The following RHBDL3 variants were observed in gnomAD, a reference collection of about 807,000 sequenced individuals.
RHBDL3 encodes rhomboid like 3.
In RHBDL3, 28 loss-of-function variants were observed where a neutral mutation model predicts 48.2. The ratio of observed to expected loss-of-function variants is 0.58; its 90% CI spans 0.43 to 0.80. RHBDL3 has a LOEUF of 0.80. RHBDL3 is among the 30% of genes least tolerant of loss of function. RHBDL3 has a pLI of 0.00. For synonymous variants in RHBDL3, 208 were observed against 232.3 expected (o/e 0.90, Z 0.95); for missense variants, 464 against 542.7 (o/e 0.85, Z 1.44).
At chr17:32,300,933 T>C (rs1248018317) in intron 6 of RHBDL3, among the ~76,000 whole-genome samples, 14 of 151,650 alleles carry the variant, frequency 9.2e-5, no homozygotes, top group Admixed American at 9.2e-4. Context: ...CAGGCTGGAG[T>C]GCAGTGGCAT....
At chr17:32,312,309 C>T (rs910075015) in intron 7 of RHBDL3, among the ~76,000 whole-genome samples, 1 of 152,038 alleles carries the variant, frequency 6.6e-6, no homozygotes, top group African/African-American at 2.4e-5. Flanking sequence ...GTACAGTGTG[C>T]CTACAGTCCC....
intron 8 of RHBDL3, among the ~76,000 whole-genome samples, chr17:32,319,888 C>T (rs1477245219): frequency 3.3e-5 from 5 of 152,122 alleles, no homozygotes; most frequent in Non-Finnish European, 7.4e-5. Context: ...AATGGGATGG[C>T]AGTTTCCTAG....
intron 8 of RHBDL3, among the ~76,000 whole-genome samples, chr17:32,316,504 A>T (rs567002489): frequency 3.3e-5 from 5 of 152,286 alleles, no homozygotes; most frequent in Admixed American, 6.5e-5. Flanking sequence ...ATCTATTTTT[A>T]AAAATTATAT....
intron 1 of RHBDL3, among the ~76,000 whole-genome samples, chr17:32,266,667 G>T (rs559296888): frequency 1.2e-4 from 18 of 152,330 alleles, no homozygotes; most frequent in African/African-American, 4.3e-4. Context: ...CGACCTGCGA[G>T]CTCCCGGAGC....
rs189048315 is a variant in RHBDL3, at chr17:32,311,372, G to A, written c.883-4860G>A. On this transcript the variant is annotated intron_variant, in intron 7 of 8. Coordinates refer to ENST00000269051, the MANE Select transcript of RHBDL3 (RefSeq NM_138328.3). The stretch of plus-strand genomic sequence containing the variant: ...GGAAGTAAGGCAGCTGGTTGGAAGC[G>A]GGGACTCTCTAGTTTAACCCCTCGG... 2.0e-4 allele frequency among the ~76,000 whole-genome samples: 31 copies of A among 152,238 alleles called. No homozygotes were observed. In the East Asian group the frequency reaches 5.4e-3, roughly 27 times the overall value.
chr17:32,308,966 T>C (rs1325293130), intron 7 of RHBDL3, among the ~76,000 whole-genome samples: 1 of 152,002 alleles, frequency 6.6e-6, no homozygotes, highest in East Asian at 1.9e-4. Flanking sequence ...CTCAGGAAGC[T>C]GAGGCAGTAG....
chr17:32,296,382 C>G (rs1458904238), intron 5 of RHBDL3, among the ~76,000 whole-genome samples: 3 of 119,892 alleles, frequency 2.5e-5, no homozygotes, highest in African/African-American at 9.5e-5. Flanking sequence ...GTCACCCAGG[C>G]TGGAGTGCAG....
intron 2 of RHBDL3, among the ~76,000 whole-genome samples, chr17:32,276,586 G>A (rs2039904191): frequency 6.6e-6 from 1 of 152,144 alleles, no homozygotes; most frequent in Non-Finnish European, 1.5e-5. Context: ...GGGGCCAGCA[G>A]TTGAGCCATG....
intron 2 of RHBDL3, among the ~76,000 whole-genome samples, chr17:32,271,002 C>T (rs983218383): frequency 2.6e-5 from 4 of 152,022 alleles, no homozygotes; most frequent in Non-Finnish European, 5.9e-5. Flanking sequence ...TAAAGACCAG[C>T]CTGGGCAACA....
chr17:32,312,482 G>A (rs73270688), intron 7 of RHBDL3, among the ~76,000 whole-genome samples: 2,632 of 152,092 alleles, frequency 0.017, 73 homozygotes, highest in African/African-American at 0.058. Flanking sequence ...AGAGGGGGCC[G>A]AGCACAAATG....
At chr17:32,297,699 T>C (rs2040486513) in intron 5 of RHBDL3, among the ~76,000 whole-genome samples, 1 of 138,354 alleles carries the variant, frequency 7.2e-6, no homozygotes, top group Admixed American at 7.4e-5. Flanking sequence ...GGTATCTCAC[T>C]ATGTTGCCTA....
intron 5 of RHBDL3, among the ~76,000 whole-genome samples, chr17:32,296,958 C>T (rs1161066644): frequency 2.0e-5 from 3 of 151,904 alleles, no homozygotes; most frequent in South Asian, 4.1e-4. Flanking sequence ...GGATTACAGG[C>T]ACCTGCCAGC....
intron 4 of RHBDL3, among the ~76,000 whole-genome samples, chr17:32,289,890 G>A (rs1433865059): frequency 1.3e-5 from 2 of 152,150 alleles, no homozygotes; most frequent in African/African-American, 2.4e-5. Flanking sequence ...AAAGCTTCGC[G>A]GCATCCTTCT....
intron 2 of RHBDL3, among the ~76,000 whole-genome samples, chr17:32,275,394 G>T (rs1012669813): frequency 1.3e-5 from 2 of 152,232 alleles, no homozygotes; most frequent in Non-Finnish European, 2.9e-5. Context: ...GAAGGGAGCC[G>T]TCTGTGTGCC....
At chr17:32,287,352 A>G (rs1012848418) in intron 3 of RHBDL3, among the ~76,000 whole-genome samples, 1 of 152,166 alleles carries the variant, frequency 6.6e-6, no homozygotes, top group Non-Finnish European at 1.5e-5. Flanking sequence ...TTGGGCTCAC[A>G]ATGTGCACCA....
intron 3 of RHBDL3, 39 bp from the exon 4 acceptor site, chr17:32,288,753 C>G: frequency 2.0e-6 from 3 of 1,515,506 alleles, no homozygotes; most frequent in Non-Finnish European, 2.7e-6. Context: ...TCCGCTGGGC[C>G]CCAGCTCTGA....
intron 6 of RHBDL3, among the ~76,000 whole-genome samples, chr17:32,303,117 G>A (rs950622218): frequency 6.6e-6 from 1 of 152,186 alleles, no homozygotes; most frequent in African/African-American, 2.4e-5. Flanking sequence ...TCAGGACTCC[G>A]AGCCATGGAT....
In RHBDL3 at chr17:32,288,873, G is replaced by C. The variant is rs777876621; in HGVS notation, c.376G>C (p.Glu126Gln). 9.3e-6 allele frequency: 15 copies of C among 1,614,106 alleles called. No individual in the cohort carries two copies. The Admixed American group carries it at 2.2e-4, about 23-fold the overall frequency. Residue 126 changes from glutamate to glutamine, a missense_variant, in exon 4 of 9, where the codon GAG becomes CAG. Physicochemically the swap from Glu to Gln is conservative, Grantham distance 29 (BLOSUM62 2). Transcript: ENST00000269051. ...RRLSSKALLE[E>Q]KGLSLSQRLI... is the part of the protein sequence containing the mutation. ...GCTAAGCAGCAAGGCCCTGCTGGAG[G>C]AGAAGGGGCTGAGCCTCTCGCAGCG...
chr17:32,309,215 T>TGTGA (rs1433664047), intron 7 of RHBDL3, among the ~76,000 whole-genome samples: 1 of 143,966 alleles, frequency 6.9e-6, no homozygotes, highest in African/African-American at 2.6e-5. Context: ...TGTGTGTGTG[T>TGTGA]GAGATACACA....
Sources: gnomAD v4.1 joint callset for allele counts (sites outside exome capture counted in the v4.1 genomes callset) on GRCh38, gnomAD v4.1.1 for gene constraint, MANE v1.5 for transcripts, NCBI Gene and HGNC (gene_info 2026-07-23, HGNC 2026-07-21) for gene names.